The following DLGAP4 variants were observed in gnomAD, a reference collection of about 807,000 sequenced individuals.
The protein encoded by DLGAP4 is disks large-associated protein 4.
A neutral mutation model predicts 86.9 loss-of-function variants in DLGAP4; 18 were observed. The ratio of observed to expected loss-of-function variants is 0.21; its 90% CI spans 0.14 to 0.31. DLGAP4 has a LOEUF of 0.31. Among genes scored for constraint, DLGAP4 ranks in the 10% least tolerant of loss-of-function variants. DLGAP4 has a pLI of 1.00. For missense variants in DLGAP4, 1,085 were observed against 1,362.6 expected (o/e 0.80, Z 3.21); for synonymous variants, 548 against 574.3 (o/e 0.95, Z 0.65).
chr20:36,349,418 C>CAA (rs578216334), intron 1 of DLGAP4, among the ~76,000 whole-genome samples: 6 of 92,002 alleles, frequency 6.5e-5, no homozygotes, highest in Non-Finnish European at 6.9e-5. Context: ...ACTCCATCTC[C>CAA]AAAAAAAAAA....
rs985948938 is a variant in DLGAP4, at chr20:36,527,109, A to C, written c.*78A>C. The C allele has an allele frequency of 1.0e-5, 14 of 1,392,754 alleles. No homozygotes were observed. The highest frequency in any genetic ancestry group is 1.4e-5 in the South Asian group (1 of 70,176). 86.3% of individuals were successfully genotyped at this position (1,392,754 alleles called of 1,614,324 possible). A position where few individuals can be genotyped will look rare whatever the true frequency, so the allele number is the denominator to read the frequency against. On this transcript the variant is annotated 3_prime_UTR_variant, in exon 13 of 13. Coordinates refer to ENST00000339266, the MANE Select transcript of DLGAP4 (RefSeq NM_001365621.2). The stretch of plus-strand genomic sequence containing the variant: ...AGTGCGAACGGAACAGAGTTTTCTC[A>C]ACCTTTGCTATGGTTATTCTGTCTA...
intron 12 of DLGAP4, 65 bp from the exon 13 acceptor site, chr20:36,526,748 G>C: frequency 7.0e-7 from 1 of 1,433,308 alleles, no homozygotes; most frequent in African/African-American, 1.4e-5. Context: ...TATGGTGGGG[G>C]TAGTGCCACA....
chr20:36,518,383 AATTTT>A (rs1397589612), intron 10 of DLGAP4, among the ~76,000 whole-genome samples: 1 of 152,066 alleles, frequency 6.6e-6, no homozygotes, highest in Non-Finnish European at 1.5e-5. Flanking sequence ...AGGGTTTGTT[AATTTT>A]ATTAATCCTC....
At position 36,520,047 on chromosome 20, in the gene DLGAP4, G is replaced by A. The variant is rs557797312; in HGVS notation, c.2513-4203G>A. Among the ~76,000 whole-genome samples the A allele has an allele frequency of 1.3e-4, 19 of 150,562 alleles. No homozygotes were observed. The South Asian group carries it at 2.5e-3, about 20-fold the overall frequency. On this transcript the variant is annotated intron_variant, in intron 10 of 12. Coordinates refer to ENST00000339266, the MANE Select transcript of DLGAP4 (RefSeq NM_001365621.2). Reference sequence around the variant, plus strand: ...CCAGGCTCAAGTGGTACTCCACCTCGGCCTCCTAAAGTTCTGGGATTACAG... The same window carrying A: ...CCAGGCTCAAGTGGTACTCCACCTCAGCCTCCTAAAGTTCTGGGATTACAG...
At chr20:36,439,609 T>A (rs965146000) in intron 4 of DLGAP4, 145 bp from the exon 5 acceptor site, 16 of 670,622 alleles carry the variant, frequency 2.4e-5, no homozygotes, top group South Asian at 5.1e-5. Flanking sequence ...TTTTAAACAG[T>A]CAAATACAAG....
At position 36,361,819 on chromosome 20, in the gene DLGAP4, C is replaced by G. The variant is rs191454554; in HGVS notation, c.-303-5226C>G. Among the ~76,000 whole-genome samples the G allele has an allele frequency of 1.3e-3, 203 of 150,672 alleles. 1 individual carries two copies. The highest frequency in any genetic ancestry group is 3.8e-4 in the Non-Finnish European group (26 of 67,716). On this transcript the variant is annotated intron_variant, in intron 1 of 12. Coordinates refer to ENST00000339266, the MANE Select transcript of DLGAP4 (RefSeq NM_001365621.2). ...GAAACCCCCATCTCTACCAAAAATACAAAAAAATTATTAGCGGAGCGTGGT... is the reference window on the plus strand; with the variant it reads ...GAAACCCCCATCTCTACCAAAAATAGAAAAAAATTATTAGCGGAGCGTGGT...
intron 3 of DLGAP4, among the ~76,000 whole-genome samples, chr20:36,433,337 G>A (rs1444779638): frequency 6.6e-6 from 1 of 152,240 alleles, no homozygotes; most frequent in Admixed American, 6.5e-5. Context: ...TCCTAACCCA[G>A]CTTGGGGGAA....
At chr20:36,446,417 T>C (rs1357434851) in intron 6 of DLGAP4, among the ~76,000 whole-genome samples, 1 of 152,234 alleles carries the variant, frequency 6.6e-6, no homozygotes, top group Non-Finnish European at 1.5e-5. Flanking sequence ...TGAAATCTAT[T>C]AATCAGTGTG....
intron 1 of DLGAP4, among the ~76,000 whole-genome samples, chr20:36,317,144 T>A (rs1161648481): frequency 6.6e-6 from 1 of 152,178 alleles, no homozygotes; most frequent in Non-Finnish European, 1.5e-5. Flanking sequence ...AGGAAGCTAC[T>A]ATGAAAATTT....
chr20:36,397,606 T>C, intron 2 of DLGAP4, among the ~76,000 whole-genome samples: 1 of 152,250 alleles, frequency 6.6e-6, no homozygotes, highest in South Asian at 2.1e-4. Flanking sequence ...TATACGTCTC[T>C]AGATACAACT....
chr20:36,391,191 G>T (rs1223624478), intron 2 of DLGAP4, among the ~76,000 whole-genome samples: 1 of 152,132 alleles, frequency 6.6e-6, no homozygotes, highest in East Asian at 1.9e-4. Flanking sequence ...AGCTGCAGTG[G>T]CCTGGGGACC....
chr20:36,417,745 C>T (rs1270673995), intron 2 of DLGAP4, among the ~76,000 whole-genome samples: 1 of 144,730 alleles, frequency 6.9e-6, no homozygotes, highest in Non-Finnish European at 1.5e-5. Context: ...GTGAAGCGAT[C>T]CCATTTGAGG....
rs1555907464 is a variant in DLGAP4 at position 36,467,064 on chromosome 20, C to CTCTCT, written c.1648+20127_1648+20128insTCTCT. On this transcript the variant is annotated intron_variant, in intron 7 of 12. Transcript: ENST00000339266. ...TCTCTCTCTCTCTCTCTCTCTCTCTCCCCCCCCCTTCTCTCGGCCCTGCCT... is the reference window on the plus strand; with the variant it reads ...TCTCTCTCTCTCTCTCTCTCTCTCTCTCTCTCCCCCCCCTTCTCTCGGCCCTGCCT... Among the ~76,000 whole-genome samples the CTCTCT allele has an allele frequency of 2.2e-3, 263 of 118,148 alleles. 23 individuals are homozygous for CTCTCT. The highest frequency in any genetic ancestry group is 0.012 in the African/African-American group (240 of 20,594). 77.5% of individuals were successfully genotyped at this position (118,148 alleles called of 152,430 possible).
chr20:36,308,159 G>A lies in DLGAP4; in HGVS notation c.-304+1647G>A, dbSNP rs1354433861. On this transcript the variant is annotated intron_variant, in intron 1 of 12. Coordinates refer to ENST00000339266, the MANE Select transcript of DLGAP4 (RefSeq NM_001365621.2). The surrounding 1 kb of genome is among the most constrained non-coding windows in gnomAD (Gnocchi z 4.5). ...GAGTGCCTGTCTCCCGCTGTGGCAG[G>A]GGTAGGCCAGGGATCCTGTGTCCTC... Among the ~76,000 whole-genome samples the A allele has an allele frequency of 6.6e-6, 1 of 152,214 alleles. No homozygotes were observed. The highest frequency in any genetic ancestry group is 1.5e-5 in the Non-Finnish European group (1 of 68,042).
intron 2 of DLGAP4, among the ~76,000 whole-genome samples, chr20:36,372,559 G>A (rs1430719129): frequency 1.3e-5 from 2 of 150,898 alleles, no homozygotes; most frequent in African/African-American, 2.4e-5. Flanking sequence ...ACCTGCCCAG[G>A]AAAACAGATA....
intron 1 of DLGAP4, among the ~76,000 whole-genome samples, chr20:36,351,916 T>G (rs2030167017): frequency 6.6e-6 from 1 of 151,872 alleles, no homozygotes; most frequent in Non-Finnish European, 1.5e-5. Context: ...CACCTGTGGG[T>G]GTGATGTGCT....
At chr20:36,361,978 CAAAAAAAAAA>C (rs545997891) in intron 1 of DLGAP4, among the ~76,000 whole-genome samples, 2 of 48,408 alleles carry the variant, frequency 4.1e-5, no homozygotes, top group Non-Finnish European at 8.5e-5. Context: ...GATTCTGTCT[CAAAAAAAAAA>C]AAAAAAAAAA....
intron 2 of DLGAP4, among the ~76,000 whole-genome samples, chr20:36,374,180 T>C (rs1045154756): frequency 2.6e-5 from 4 of 152,120 alleles, no homozygotes; most frequent in Non-Finnish European, 4.4e-5. Context: ...ACATCAACCC[T>C]CTCTGTCCTG....
chr20:36,379,418 T>A (rs1422359137), intron 2 of DLGAP4, among the ~76,000 whole-genome samples: 1 of 152,156 alleles, frequency 6.6e-6, no homozygotes, highest in Non-Finnish European at 1.5e-5. Flanking sequence ...TGGGGGGAAT[T>A]CTGGACCAGG....
Sources: gnomAD v4.1 joint callset for allele counts (sites outside exome capture counted in the v4.1 genomes callset) on GRCh38, gnomAD v4.1.1 for gene constraint, Gnocchi (gnomAD v3.1) non-coding constraint, MANE v1.5 for transcripts, NCBI Gene and HGNC (gene_info 2026-07-23, HGNC 2026-07-21) for gene names.